The following BLOC1S6 variants were observed in gnomAD, a reference collection of about 807,000 sequenced individuals.
BLOC1S6 encodes the protein biogenesis of lysosome-related organelles complex 1 subunit 6.
In BLOC1S6, 24 loss-of-function variants were observed where a neutral mutation model predicts 24.7. The ratio of observed to expected loss-of-function variants is 0.97; its 90% CI spans 0.70 to 1.37. BLOC1S6 has a LOEUF of 1.37. BLOC1S6 is among the 40% of genes most tolerant of loss of function. The probability of loss-of-function intolerance (pLI) is 0.00; values close to 1 mark genes in which losing one functional copy is unlikely to be tolerated. For missense variants in BLOC1S6, 175 were observed against 196.2 expected, an observed-to-expected ratio of 0.89 and a Z score of 0.64; for synonymous variants, 76 against 72.6, an observed-to-expected ratio of 1.05 and a Z score of -0.23.
At chr15:45,594,270 T>C (rs923760274) in intron 2 of BLOC1S6, among the ~76,000 whole-genome samples, 14 of 152,144 alleles carry the variant, frequency 9.2e-5, no homozygotes, top group South Asian at 2.1e-4. Flanking sequence ...TTTAGCTTTA[T>C]ATATAAGAAA....
At chr15:45,587,751 A>T (rs1355897765) in intron 1 of BLOC1S6, 2 of 703,912 alleles carry the variant, frequency 2.8e-6, no homozygotes, top group Non-Finnish European at 5.2e-6. Context: ...GGTGCAATTG[A>T]AGGCGGTTGA....
At chr15:45,602,822 G>A (rs28714412) in intron 2 of BLOC1S6, among the ~76,000 whole-genome samples, 2,693 of 152,224 alleles carry the variant, frequency 0.018, 31 homozygotes, top group Non-Finnish European at 0.026. Flanking sequence ...ATAATACAGA[G>A]AGTTGTTAAA....
upstream of BLOC1S6, chr15:45,587,139 G>C: frequency 2.1e-6 from 1 of 476,862 alleles, no homozygotes; most frequent in East Asian, 4.0e-5. Flanking sequence ...CCCGTGAGCA[G>C]CCCAAACCGA....
At position 45,587,507 on chromosome 15, in the gene BLOC1S6, G is replaced by C; in HGVS notation, c.64G>C (p.Ala22Pro). The C allele has an allele frequency of 6.3e-7, 1 of 1,577,912 alleles. No individual in the cohort carries two copies. The highest frequency in any genetic ancestry group is 2.3e-5 in the East Asian group (1 of 42,878). Residue 22 changes from alanine (A) to proline (P), a missense_variant, in exon 1 of 5, where the codon GCC becomes CCC. Coordinates refer to ENST00000220531, the MANE Select transcript of BLOC1S6 (RefSeq NM_012388.4). ...ALTRPPYCLE[A>P]GEPTPGLSDT... The stretch of plus-strand genomic sequence containing the variant: ...GACACGGCCACCCTACTGCCTGGAG[G>C]CCGGGGAGCCGACGCCTGGTACGTA...
chr15:45,609,573 A>C lies in BLOC1S6; in HGVS notation c.*3059A>C, dbSNP rs1385678196. 6.6e-6 allele frequency: 1 copy of C among 152,172 alleles called. No homozygotes were observed. Among genetic ancestry groups the C allele is most frequent in the Non-Finnish European group, 1.5e-5 (1 of 68,044 alleles). 9.4% of individuals were successfully genotyped at this position (152,172 alleles called of 1,614,324 possible). A position where few individuals can be genotyped will look rare whatever the true frequency, so the allele number is the denominator to read the frequency against. On this transcript the variant is annotated 3_prime_UTR_variant, in exon 5 of 5. Transcript: ENST00000220531. Reference sequence around the variant, plus strand: ...AATATGCAAATGTTGAATGTAATATAGATTGTGTCCTCATTGAGTTTTTGG... The same window carrying C: ...AATATGCAAATGTTGAATGTAATATCGATTGTGTCCTCATTGAGTTTTTGG...
intron 2 of BLOC1S6, among the ~76,000 whole-genome samples, chr15:45,602,647 G>A (rs1271167401): frequency 1.3e-5 from 2 of 152,124 alleles, no homozygotes; most frequent in African/African-American, 4.8e-5. Context: ...TCATCTTACT[G>A]CTTAATTATT....
At chr15:45,588,821 G>A (rs1385638650) in intron 1 of BLOC1S6, among the ~76,000 whole-genome samples, 1 of 152,170 alleles carries the variant, frequency 6.6e-6, no homozygotes, top group Non-Finnish European at 1.5e-5. Context: ...ATCCTGTACT[G>A]TATTCCAGCC....
intron 1 of BLOC1S6, 25 bp downstream of exon 1, chr15:45,587,550 C>T (rs778568739): frequency 2.6e-6 from 4 of 1,551,800 alleles, no homozygotes; most frequent in Admixed American, 3.8e-5. Flanking sequence ...GTGGGAAGCG[C>T]GGCCCGGGCT....
intron 2 of BLOC1S6, among the ~76,000 whole-genome samples, chr15:45,596,868 G>A (rs1318315344): frequency 6.6e-6 from 1 of 151,978 alleles, no homozygotes; most frequent in Non-Finnish European, 1.5e-5. Context: ...TAGAGATGGG[G>A]TTTCACCATG....
intron 1 of BLOC1S6, among the ~76,000 whole-genome samples, chr15:45,589,030 C>T (rs560792445): frequency 2.0e-4 from 30 of 152,164 alleles, no homozygotes; most frequent in Admixed American, 3.9e-4. Flanking sequence ...AAGAATTTAT[C>T]CTACAGAAAG....
rs1483272128 is a variant in BLOC1S6 at position 45,606,512 on chromosome 15, T to A, written c.517T>A (p.Ter173ArgextTer21). 3 of 1,614,048 alleles carry A rather than the reference T, an allele frequency of 1.9e-6. No homozygotes were observed. ...QLTARPAKRM* is the reference protein window; with the variant it reads ...QLTARPAKRMR ...AACTGCCAGACCAGCCAAAAGGATG[T>A]GAAAAGTTGTGTTTGTGTGTTTTCT... The change falls in exon 5 of 5, where the codon TGA (stop) becomes AGA (arginine). Residue 173 changes from the stop codon to arginine, a stop_lost. Transcript: ENST00000220531.
Position 45,588,758 on chromosome 15 carries a change from G to T in BLOC1S6, c.82+1233G>T, listed in dbSNP as rs1421038838. 7.9e-5 allele frequency among the ~76,000 whole-genome samples: 12 copies of T among 152,258 alleles called. No individual in the cohort carries two copies. The East Asian group carries it at 2.3e-3, about 29-fold the overall frequency. ...TTTAGAGGCCCTTACTGGCCTTCCG[G>T]TCTTAAAGCTCACTATTGCTATGCT... On this transcript the variant is annotated intron_variant, in intron 1 of 4. Transcript: ENST00000220531.
Position 45,606,662 on chromosome 15 carries a change from C to A in BLOC1S6, c.*148C>A. On this transcript the variant is annotated 3_prime_UTR_variant, in exon 5 of 5. Transcript: ENST00000220531. ...ATTACTGTGTCTCCATGCCTTTTTT[C>A]CAAGTAGCAGACGTCATGTTGCATG... 2 of 1,111,600 alleles carry A rather than the reference C, an allele frequency of 1.8e-6. No homozygotes were observed. Among genetic ancestry groups the A allele is most frequent in the Non-Finnish European group, 2.7e-6 (2 of 752,094 alleles). 68.9% of individuals were successfully genotyped at this position (1,111,600 alleles called of 1,614,324 possible).
At chr15:45,594,757 T>C (rs1221946032) in intron 2 of BLOC1S6, among the ~76,000 whole-genome samples, 2 of 152,076 alleles carry the variant, frequency 1.3e-5, no homozygotes, top group African/African-American at 4.8e-5. Context: ...CTAATTTTTT[T>C]GTATTTTTAG....
chr15:45,589,119 A>G (rs1398476732), intron 1 of BLOC1S6, among the ~76,000 whole-genome samples: 3 of 152,200 alleles, frequency 2.0e-5, no homozygotes, highest in Admixed American at 2.0e-4. Context: ...AACCTAAATA[A>G]TCCATCTATG....
chr15:45,587,766 G>A (rs759918948), intron 1 of BLOC1S6: 6 of 702,986 alleles, frequency 8.5e-6, no homozygotes, highest in South Asian at 7.4e-5. Context: ...GGTTGATGGT[G>A]AAGCCATTCT....
intron 2 of BLOC1S6, chr15:45,597,920 T>C (rs113052860): frequency 0.11 from 41,705 of 377,884 alleles, 2,627 homozygotes; most frequent in Middle Eastern, 0.21. Flanking sequence ...TTGATGAACA[T>C]TGATGCAAAA....
rs896621986 is a variant in BLOC1S6, at chr15:45,609,585, C to T, written c.*3071C>T. The stretch of plus-strand genomic sequence containing the variant: ...TTGAATGTAATATAGATTGTGTCCT[C>T]ATTGAGTTTTTGGGTGATACAGTTT... On this transcript the variant is annotated 3_prime_UTR_variant, in exon 5 of 5. Coordinates refer to ENST00000220531, the MANE Select transcript of BLOC1S6 (RefSeq NM_012388.4). The T allele has an allele frequency of 2.6e-5, 4 of 152,118 alleles. No individual in the cohort carries two copies. Among genetic ancestry groups the T allele is most frequent in the Admixed American group, 6.6e-5 (1 of 15,256 alleles). The allele number at this position is 152,118 out of a possible 1,614,324, so 9.4% of individuals were successfully genotyped here.
intron 2 of BLOC1S6, among the ~76,000 whole-genome samples, chr15:45,595,619 T>C (rs192480221): frequency 6.6e-6 from 1 of 152,086 alleles, no homozygotes; most frequent in Non-Finnish European, 1.5e-5. Flanking sequence ...CAGGAGTTTT[T>C]AATTTTAATA....
Sources: gnomAD v4.1 joint callset for allele counts (sites outside exome capture counted in the v4.1 genomes callset) on GRCh38, gnomAD v4.1.1 for gene constraint, MANE v1.5 for transcripts, NCBI Gene and HGNC (gene_info 2026-07-23, HGNC 2026-07-21) for gene names.